CA10: variants seen among roughly 807,000 people sequenced by gnomAD.
CA10 encodes the protein carbonic anhydrase 10 (inactive).
CA10 carries 14 observed loss-of-function variants against 44.2 expected under a neutral mutation model. The ratio of observed to expected loss-of-function variants is 0.32; its 90% confidence interval spans 0.21 to 0.50. CA10 has a LOEUF of 0.50. CA10 is among the 20% of genes least tolerant of loss of function. The pLI is 0.99. For missense variants in CA10, 350 were observed against 409.7 expected (o/e 0.85, Z 1.26); for synonymous variants, 159 against 141.6 (o/e 1.12, Z -0.87).
At chr17:51,633,200 A>G (rs1284864430) in intron 8 of CA10, among the ~76,000 whole-genome samples, 1 of 152,086 alleles carries the variant, frequency 6.6e-6, no homozygotes, top group Non-Finnish European at 1.5e-5. Flanking sequence ...ACATATATCA[A>G]ACCTCTACAC....
intron 1 of CA10, among the ~76,000 whole-genome samples, chr17:52,131,010 A>G (rs1174367905): frequency 6.6e-6 from 1 of 152,102 alleles, no homozygotes; most frequent in Non-Finnish European, 1.5e-5. Flanking sequence ...GGTAATACAT[A>G]TGTATAATTA....
At chr17:51,772,840 T>C (rs1395864288) in intron 3 of CA10, among the ~76,000 whole-genome samples, 1 of 152,210 alleles carries the variant, frequency 6.6e-6, no homozygotes, top group Non-Finnish European at 1.5e-5. Context: ...ACTTTTACTC[T>C]AAAACCCATG....
chr17:51,882,949 T>C (rs967676), intron 3 of CA10, among the ~76,000 whole-genome samples: 52,907 of 152,026 alleles, frequency 0.35, 11,625 homozygotes, highest in Non-Finnish European at 0.49. Context: ...TAATCCTGGC[T>C]GGGTACATCT....
intron 3 of CA10, among the ~76,000 whole-genome samples, chr17:51,786,059 A>G (rs972043889): frequency 2.6e-5 from 4 of 152,108 alleles, no homozygotes; most frequent in African/African-American, 9.7e-5. Flanking sequence ...TAGGTATTTA[A>G]TTTTATTTGT....
In CA10 at chr17:51,977,897, G is replaced by C. The variant is rs148365977; in HGVS notation, c.137-46765C>G. On this transcript the variant is annotated intron_variant, in intron 2 of 8. Coordinates refer to ENST00000451037, the MANE Select transcript of CA10 (RefSeq NM_020178.5). Reference sequence around the variant, plus strand: ...TTCTATATACCGGCAATAAACATTTGAAAAATAAAAACAAAAATGTCATTC... The same window carrying C: ...TTCTATATACCGGCAATAAACATTTCAAAAATAAAAACAAAAATGTCATTC... Among the ~76,000 whole-genome samples, 474 of 151,992 alleles carry C rather than the reference G, an allele frequency of 3.1e-3. 2 individuals carry two copies. Among genetic ancestry groups the C allele is most frequent in the African/African-American group, 9.9e-3 (412 of 41,514 alleles).
chr17:51,809,439 GC>G (rs1907270731), intron 3 of CA10, among the ~76,000 whole-genome samples: 1 of 152,206 alleles, frequency 6.6e-6, no homozygotes, highest in Non-Finnish European at 1.5e-5. Context: ...CAGAAGAGAT[GC>G]AAAAAACAGA....
At chr17:51,694,726 C>G (rs1264507926) in intron 4 of CA10, among the ~76,000 whole-genome samples, 1 of 151,886 alleles carries the variant, frequency 6.6e-6, no homozygotes, top group African/African-American at 2.4e-5. Context: ...AAACTATATC[C>G]CAAGGCTAAC....
intron 2 of CA10, among the ~76,000 whole-genome samples, chr17:51,971,509 T>C (rs1374417748): frequency 6.6e-6 from 1 of 152,084 alleles, no homozygotes; most frequent in Non-Finnish European, 1.5e-5. Context: ...TTAACATTAT[T>C]TGGGGATGAT....
chr17:51,810,554 G>A (rs1044150785), intron 3 of CA10, among the ~76,000 whole-genome samples: 1 of 152,152 alleles, frequency 6.6e-6, no homozygotes. Context: ...GCTATGCAGA[G>A]GAGCTGGGAA....
intron 1 of CA10, among the ~76,000 whole-genome samples, chr17:52,078,513 A>G (rs2143161009): frequency 6.6e-6 from 1 of 152,344 alleles, no homozygotes. Flanking sequence ...CTTCATTTTA[A>G]TGTAATGGTA....
chr17:51,890,729 A>G (rs918830777), intron 3 of CA10, among the ~76,000 whole-genome samples: 2 of 152,186 alleles, frequency 1.3e-5, no homozygotes, highest in African/African-American at 2.4e-5. Flanking sequence ...GGTCACTAGT[A>G]TATATAGTGC....
chr17:51,954,443 A>T (rs898763722), intron 2 of CA10, among the ~76,000 whole-genome samples: 1 of 152,192 alleles, frequency 6.6e-6, no homozygotes, highest in Non-Finnish European at 1.5e-5. Flanking sequence ...AAATGAAGAC[A>T]GTTCATCTTT....
rs145037640 is a variant in CA10, at chr17:52,108,370, G to A, written c.62-35977C>T. On this transcript the variant is annotated intron_variant, in intron 1 of 8. Transcript: ENST00000451037. ...AAACATTGTATGTCCTCACTGATAT[G>A]TGGGAAATAAGCTGTGAGGATGCAA... Among the ~76,000 whole-genome samples, 562 of 151,750 alleles carry A rather than the reference G, an allele frequency of 3.7e-3. 3 individuals carry two copies. Among genetic ancestry groups the A allele is most frequent in the South Asian group, 0.029 (138 of 4,802 alleles).
chr17:51,879,574 A>C (rs942678021), intron 3 of CA10, among the ~76,000 whole-genome samples: 2 of 152,194 alleles, frequency 1.3e-5, no homozygotes, highest in African/African-American at 4.8e-5. Flanking sequence ...AAACTCTAGA[A>C]AACAGGAGTA....
At chr17:51,726,005 G>T (rs59725624) in intron 4 of CA10, among the ~76,000 whole-genome samples, 3,330 of 152,214 alleles carry the variant, frequency 0.022, 131 homozygotes, top group African/African-American at 0.076. Context: ...TGAAAGTAGT[G>T]ATGCTGGTGG....
At chr17:51,878,658 A>T (rs1228240019) in intron 3 of CA10, among the ~76,000 whole-genome samples, 1 of 151,540 alleles carries the variant, frequency 6.6e-6, no homozygotes, top group Non-Finnish European at 1.5e-5. Context: ...TGATCCAGGT[A>T]TTCATTTTAA....
intron 2 of CA10, among the ~76,000 whole-genome samples, chr17:51,962,595 T>G (rs953386610): frequency 2.6e-5 from 4 of 152,042 alleles, no homozygotes; most frequent in African/African-American, 9.7e-5. Flanking sequence ...GGCTTGTAAG[T>G]CAAACCACAG....
rs145659379 is a variant in CA10 at position 51,742,001 on chromosome 17, T to C, written c.465+5632A>G. Among the ~76,000 whole-genome samples, 1,355 of 152,340 alleles carry C rather than the reference T, an allele frequency of 8.9e-3. 10 individuals are homozygous for C. Among genetic ancestry groups the C allele is most frequent in the Non-Finnish European group, 0.013 (877 of 68,038 alleles). ...AGTTTCTCTCTTTTTAATAGCATCC[T>C]TTAAAAATGTAAACCATTCTTAGCT... On this transcript the variant is annotated intron_variant, in intron 4 of 8. Transcript: ENST00000451037.
chr17:51,711,292 G>A (rs1263977), intron 4 of CA10, among the ~76,000 whole-genome samples: 50,034 of 151,856 alleles, frequency 0.33, 9,172 homozygotes, highest in Admixed American at 0.41. Flanking sequence ...TTCTGGTTTC[G>A]AGATATACTA....
Sources: allele counts gnomAD v4.1 joint callset (sites outside exome capture counted in the v4.1 genomes callset), GRCh38; gene constraint gnomAD v4.1.1; transcripts MANE v1.5; gene names NCBI Gene and HGNC (gene_info 2026-07-23, HGNC 2026-07-21).